MARCHF1: variants seen among roughly 807,000 people sequenced by gnomAD.
MARCHF1 encodes membrane associated ring-CH-type finger 1.
MARCHF1 carries 40 observed loss-of-function variants against 54.2 expected under a neutral mutation model. The ratio of observed to expected loss-of-function variants is 0.74; its 90% CI spans 0.57 to 0.96. MARCHF1 has a LOEUF of 0.96. Among genes scored for constraint, MARCHF1 ranks in the 40% least tolerant of loss-of-function variants. The probability of loss-of-function intolerance (pLI) is 0.00; values close to 1 mark genes in which losing one functional copy is unlikely to be tolerated. For synonymous variants in MARCHF1, 236 were observed against 236.3 expected, an observed-to-expected ratio of 1.00 and a Z score of 0.01; for missense variants, 586 against 656.5, an observed-to-expected ratio of 0.89 and a Z score of 1.17.
chr4:164,051,140 T>C (rs1348212189), intron 2 of MARCHF1, among the ~76,000 whole-genome samples: 3 of 152,180 alleles, frequency 2.0e-5, no homozygotes, highest in Non-Finnish European at 4.4e-5. Flanking sequence ...TTTCAAAAGA[T>C]TTAACCTTCC....
intron 3 of MARCHF1, among the ~76,000 whole-genome samples, chr4:163,949,227 G>A (rs1204319993): frequency 6.6e-6 from 1 of 152,214 alleles, no homozygotes; most frequent in Non-Finnish European, 1.5e-5. Flanking sequence ...CGGTGGGGCA[G>A]GCAGCTCCAA....
At chr4:164,322,053 G>T (rs1211921843) in intron 1 of MARCHF1, among the ~76,000 whole-genome samples, 1 of 152,034 alleles carries the variant, frequency 6.6e-6, no homozygotes, top group East Asian at 1.9e-4. Context: ...AATACAAAGA[G>T]AAGTATAAAT....
intron 4 of MARCHF1, among the ~76,000 whole-genome samples, chr4:163,770,028 C>T (rs1747108796): frequency 6.6e-6 from 1 of 152,048 alleles, no homozygotes; most frequent in Non-Finnish European, 1.5e-5. Flanking sequence ...ATTTAATGAA[C>T]AGTAGATATA....
chr4:164,286,048 T>C (rs1213617927), intron 1 of MARCHF1, among the ~76,000 whole-genome samples: 1 of 152,134 alleles, frequency 6.6e-6, no homozygotes, highest in African/African-American at 2.4e-5. Flanking sequence ...AAGATTTCCC[T>C]GACAGGATCA....
chr4:164,132,508 AC>A (rs1377622764), intron 1 of MARCHF1, among the ~76,000 whole-genome samples: 1 of 152,130 alleles, frequency 6.6e-6, no homozygotes, highest in Admixed American at 6.6e-5. Context: ...TACCACCTTG[AC>A]CCACTATTAG....
intron 2 of MARCHF1, among the ~76,000 whole-genome samples, chr4:164,028,693 C>G (rs951851864): frequency 1.3e-5 from 2 of 152,066 alleles, no homozygotes; most frequent in Admixed American, 1.3e-4. Context: ...ATCCATGTAA[C>G]AAACTTGCAC....
intron 2 of MARCHF1, among the ~76,000 whole-genome samples, chr4:164,048,375 A>C (rs935676566): frequency 1.1e-4 from 16 of 152,182 alleles, no homozygotes; most frequent in Non-Finnish European, 2.2e-4. Context: ...TAAAATATAA[A>C]AACTGTCCTT....
At position 163,528,773 on chromosome 4, in the gene MARCHF1, C is replaced by T. The variant is rs1221709985; in HGVS notation, c.1613G>A (p.Gly538Asp). 6.2e-7 allele frequency: 1 copy of T among 1,611,966 alleles called. No homozygotes were observed. Among genetic ancestry groups the T allele is most frequent in the African/African-American group, 1.3e-5 (1 of 74,804 alleles). ...GANSLPSAEG[G>D]PPEVVSV is the part of the protein sequence containing the mutation. ...TCAGACTGATACAACTTCAGGGGGG[C>T]CACCCTCTGCAGATGGCAGTGAATT... Residue 538 changes from glycine to aspartate, a missense_variant, in exon 10 of 10, where the codon GGC becomes GAC. This residue lies in a region of MARCHF1 where 106 missense variants were observed against 93.8 expected (regional missense o/e 1.13). Coordinates refer to ENST00000514618, the MANE Select transcript of MARCHF1 (RefSeq NM_001394959.1).
At chr4:163,655,798 GAATGACTCCTGAGTAAAT>G (rs1743117769) in intron 5 of MARCHF1, among the ~76,000 whole-genome samples, 1 of 151,966 alleles carries the variant, frequency 6.6e-6, no homozygotes, top group African/African-American at 2.4e-5. Context: ...ACCTGCTTCT[GAATGACTCCTGAGTAAAT>G]AATGAAATTA....
At position 163,927,960 on chromosome 4, in the gene MARCHF1, T is replaced by C. The variant is rs549819721; in HGVS notation, c.-39+60541A>G. Among the ~76,000 whole-genome samples, 16 of 152,016 alleles carry C rather than the reference T, an allele frequency of 1.1e-4. No homozygotes were observed. The East Asian group carries it at 2.9e-3, about 27-fold the overall frequency. On this transcript the variant is annotated intron_variant, in intron 3 of 9. Coordinates refer to ENST00000514618, the MANE Select transcript of MARCHF1 (RefSeq NM_001394959.1). ...TAAATGAAGGAATGAAGTTTGTACATTTTCTTTCTGTTATTTGTTATCCAA... is the reference window on the plus strand; with the variant it reads ...TAAATGAAGGAATGAAGTTTGTACACTTTCTTTCTGTTATTTGTTATCCAA...
chr4:164,144,105 C>A (rs893038756), intron 1 of MARCHF1, among the ~76,000 whole-genome samples: 5 of 152,114 alleles, frequency 3.3e-5, no homozygotes, highest in African/African-American at 9.7e-5. Context: ...GGGATCAATT[C>A]AACAAGAAGA....
chr4:164,110,616 C>CT (rs761295005), intron 2 of MARCHF1, among the ~76,000 whole-genome samples: 13 of 151,160 alleles, frequency 8.6e-5, no homozygotes, highest in Admixed American at 6.0e-4. Flanking sequence ...AATTTAGATC[C>CT]TTTTTTTCAT....
In MARCHF1 at chr4:163,961,651, G is replaced by A. The variant is rs148055723; in HGVS notation, c.-39+26850C>T. 5.5e-4 allele frequency among the ~76,000 whole-genome samples: 84 copies of A among 152,018 alleles called. No homozygotes were observed. In the East Asian group the frequency reaches 0.012, roughly 21 times the overall value. ...AAAGGGACACTCAACTGTCATGGTT[G>A]ACAGGCTTGCTTATTATTCTTTCTT... On this transcript the variant is annotated intron_variant, in intron 3 of 9. Coordinates refer to ENST00000514618, the MANE Select transcript of MARCHF1 (RefSeq NM_001394959.1).
intron 2 of MARCHF1, among the ~76,000 whole-genome samples, chr4:164,048,255 C>CT (rs1343307102): frequency 1.3e-4 from 20 of 152,010 alleles, no homozygotes; most frequent in African/African-American, 2.4e-5. Context: ...CACTTTAATC[C>CT]TTTTTTCTAG....
intron 3 of MARCHF1, among the ~76,000 whole-genome samples, chr4:163,922,457 G>A (rs1751452795): frequency 6.6e-6 from 1 of 151,816 alleles, no homozygotes; most frequent in Non-Finnish European, 1.5e-5. Flanking sequence ...ATTGTACAGT[G>A]AGTCACATAG....
chr4:164,172,766 A>G (rs916488022), intron 1 of MARCHF1, among the ~76,000 whole-genome samples: 2 of 152,178 alleles, frequency 1.3e-5, no homozygotes, highest in Non-Finnish European at 2.9e-5. Flanking sequence ...CCAAGAGGTC[A>G]GGAGACCGAG....
At chr4:164,319,904 GA>G (rs1193111661) in intron 1 of MARCHF1, among the ~76,000 whole-genome samples, 1 of 151,966 alleles carries the variant, frequency 6.6e-6, no homozygotes, top group Non-Finnish European at 1.5e-5. Flanking sequence ...AATGTAAAAT[GA>G]GCAACATAAT....
chr4:164,176,303 T>C (rs951113919), intron 1 of MARCHF1, among the ~76,000 whole-genome samples: 2 of 152,180 alleles, frequency 1.3e-5, no homozygotes, highest in African/African-American at 4.8e-5. Flanking sequence ...AATTACAATA[T>C]AGTCATTGGT....
intron 1 of MARCHF1, chr4:164,188,326 C>CGGCCGGT (rs1461384892): frequency 2.6e-6 from 1 of 388,366 alleles, no homozygotes; most frequent in Non-Finnish European, 4.9e-6. Context: ...TCCTGTGCTG[C>CGGCCGGT]GGCCGGTGGC....
Sources: gnomAD v4.1 joint callset for allele counts (sites outside exome capture counted in the v4.1 genomes callset) on GRCh38, gnomAD v4.1.1 for gene constraint, gnomAD v4.1.1 regional missense constraint, MANE v1.5 for transcripts, NCBI Gene and HGNC (gene_info 2026-07-23, HGNC 2026-07-21) for gene names.